The following GAB1 variants were observed in gnomAD, a reference collection of about 807,000 sequenced individuals.
The protein encoded by GAB1 is GRB2-associated-binding protein 1.
Under a neutral mutation model 66.5 loss-of-function variants are expected in GAB1, and 19 were observed. The ratio of observed to expected loss-of-function variants is 0.29; its 90% confidence interval spans 0.20 to 0.42. GAB1 has a LOEUF of 0.42. Ranked by LOEUF, GAB1 falls within the 10% of genes least tolerant of loss-of-function variation. The pLI, the probability that GAB1 is intolerant of heterozygous loss-of-function variation, is 1.00. For synonymous variants in GAB1, 294 were observed against 301.4 expected, an observed-to-expected ratio of 0.98 and a Z score of 0.25; for missense variants, 732 against 858.5, an observed-to-expected ratio of 0.85 and a Z score of 1.84.
At chr4:143,401,898 A>G (rs1261871776) in intron 1 of GAB1, among the ~76,000 whole-genome samples, 1 of 152,208 alleles carries the variant, frequency 6.6e-6, no homozygotes, top group African/African-American at 2.4e-5. Flanking sequence ...TAAATTTGTT[A>G]AAGTAAATGC....
intron 1 of GAB1, among the ~76,000 whole-genome samples, chr4:143,347,873 C>G (rs990815035): frequency 6.6e-6 from 1 of 152,234 alleles, no homozygotes; most frequent in Non-Finnish European, 1.5e-5. Context: ...TTCTCCTTTT[C>G]CCAGCCAGAC....
At chr4:143,389,768 A>G (rs1731096636) in intron 1 of GAB1, among the ~76,000 whole-genome samples, 1 of 152,236 alleles carries the variant, frequency 6.6e-6, no homozygotes, top group South Asian at 2.1e-4. Context: ...GAATGACTAA[A>G]TAAGTGGATT....
chr4:143,350,512 T>A (rs912248731), intron 1 of GAB1, among the ~76,000 whole-genome samples: 2 of 152,028 alleles, frequency 1.3e-5, no homozygotes, highest in Admixed American at 6.6e-5. Context: ...ACCCCGTCTA[T>A]ACTAATAATA....
At chr4:143,407,495 TA>T (rs1414457135) in intron 1 of GAB1, among the ~76,000 whole-genome samples, 1 of 152,236 alleles carries the variant, frequency 6.6e-6, no homozygotes, top group Non-Finnish European at 1.5e-5. Flanking sequence ...GCAATGTACG[TA>T]AACTCTAATA....
At chr4:143,466,480 CTTTTTTTTTTTT>C (rs776557170) in intron 9 of GAB1, among the ~76,000 whole-genome samples, 2 of 67,262 alleles carry the variant, frequency 3.0e-5, no homozygotes, top group Admixed American at 1.7e-4. Context: ...TTAACAAATT[CTTTTTTTTTTTT>C]TTTTTTTTTT....
intron 1 of GAB1, among the ~76,000 whole-genome samples, chr4:143,387,932 T>C (rs1730994965): frequency 1.3e-5 from 2 of 152,128 alleles, no homozygotes; most frequent in Admixed American, 1.3e-4. Flanking sequence ...CACCACCACG[T>C]ATTTGCTGTT....
chr4:143,411,272 C>T (rs1732375282), intron 1 of GAB1, among the ~76,000 whole-genome samples: 1 of 152,082 alleles, frequency 6.6e-6, no homozygotes, highest in Admixed American at 6.6e-5. Flanking sequence ...TTTTAAGTTA[C>T]CCCAAAATCC....
intron 8 of GAB1, among the ~76,000 whole-genome samples, chr4:143,462,157 C>T (rs1179017434): frequency 6.6e-6 from 1 of 152,064 alleles, no homozygotes; most frequent in African/African-American, 2.4e-5. Flanking sequence ...AATGTTTTCA[C>T]TGATTTTTCA....
intron 1 of GAB1, among the ~76,000 whole-genome samples, chr4:143,398,740 A>G (rs183144455): frequency 4.1e-4 from 63 of 152,218 alleles, no homozygotes; most frequent in African/African-American, 1.3e-3. Flanking sequence ...AAATAACTGT[A>G]TATGTTAGTA....
chr4:143,440,335 A>T lies in GAB1; in HGVS notation c.1538A>T (p.Asp513Val). 5 of 1,614,014 alleles carry T rather than the reference A, an allele frequency of 3.1e-6. No individual in the cohort carries two copies. Among genetic ancestry groups the T allele is most frequent in the Non-Finnish European group, 4.2e-6 (5 of 1,179,938 alleles). The part of the protein sequence containing the change: ...TPPRRPVPVA[D>V]CEPPPVDRNL... The stretch of plus-strand genomic sequence containing the variant: ...CCCAGAAGGCCAGTTCCTGTTGCAG[A>T]CTGTGAACCACCCCCCGTGGATAGG... Residue 513 changes from aspartate (D) to valine (V), a missense_variant, in exon 6 of 10, where the codon GAC becomes GTC. Physicochemically the swap from Asp to Val is radical, Grantham distance 152. This residue lies in a region of GAB1 where 204 missense variants were observed against 276.8 expected (regional missense o/e 0.74). Coordinates refer to ENST00000262994, the MANE Select transcript of GAB1 (RefSeq NM_002039.4).
chr4:143,405,971 A>G (rs956537059), intron 1 of GAB1, among the ~76,000 whole-genome samples: 2 of 152,188 alleles, frequency 1.3e-5, no homozygotes, highest in African/African-American at 4.8e-5. Context: ...TCTTTAAAAA[A>G]AAAAGCCATT....
intron 2 of GAB1, among the ~76,000 whole-genome samples, chr4:143,423,484 T>C (rs1290190973): frequency 2.6e-5 from 4 of 151,744 alleles, no homozygotes; most frequent in Admixed American, 2.6e-4. Context: ...GATGATGAGG[T>C]CAGGAGATCG....
chr4:143,368,191 A>AG (rs1729970146), intron 1 of GAB1, among the ~76,000 whole-genome samples: 1 of 152,020 alleles, frequency 6.6e-6, no homozygotes, highest in Non-Finnish European at 1.5e-5. Flanking sequence ...AAAAAAAAAA[A>AG]CAAGCATTCC....
intron 1 of GAB1, among the ~76,000 whole-genome samples, chr4:143,366,777 T>A (rs1367631881): frequency 2.6e-5 from 4 of 152,070 alleles, no homozygotes; most frequent in Non-Finnish European, 5.9e-5. Flanking sequence ...AGGCTAGAAA[T>A]TTTCAATTTG....
chr4:143,345,365 A>G (rs1392288197), intron 1 of GAB1, among the ~76,000 whole-genome samples: 2 of 152,222 alleles, frequency 1.3e-5, no homozygotes, highest in Admixed American at 6.5e-5. Context: ...TCAAAAAACA[A>G]TGTCCTAAGA....
At chr4:143,452,398 C>G (rs893933473) in intron 6 of GAB1, among the ~76,000 whole-genome samples, 4 of 152,092 alleles carry the variant, frequency 2.6e-5, no homozygotes, top group Non-Finnish European at 4.4e-5. Context: ...GCTGCACGCT[C>G]TTCTAGATGG....
At chr4:143,383,920 A>C (rs984658814) in intron 1 of GAB1, among the ~76,000 whole-genome samples, 1 of 152,102 alleles carries the variant, frequency 6.6e-6, no homozygotes, top group Non-Finnish European at 1.5e-5. Flanking sequence ...CAAAAAAGTG[A>C]AAAAACTACC....
At chr4:143,429,580 G>T (rs988087073) in intron 2 of GAB1, among the ~76,000 whole-genome samples, 3 of 152,186 alleles carry the variant, frequency 2.0e-5, no homozygotes, top group Non-Finnish European at 4.4e-5. Flanking sequence ...CTGTTGGAAA[G>T]TGGCATTCTC....
At chr4:143,378,654 TCTC>T (rs1730521838) in intron 1 of GAB1, among the ~76,000 whole-genome samples, 1 of 148,580 alleles carries the variant, frequency 6.7e-6, no homozygotes, top group Non-Finnish European at 1.5e-5. Flanking sequence ...TCTCTCTCTC[TCTC>T]TCTCTCTCTC....
Sources: allele counts gnomAD v4.1 joint callset (sites outside exome capture counted in the v4.1 genomes callset), GRCh38; gene constraint gnomAD v4.1.1; regional missense constraint gnomAD v4.1.1; transcripts MANE v1.5; gene names NCBI Gene and HGNC (gene_info 2026-07-23, HGNC 2026-07-21).